Variants in DDX1 observed in about 807,000 individuals in gnomAD.
DDX1 encodes DEAD-box helicase 1, also known as ATP-dependent RNA helicase DDX1.
In DDX1, 28 loss-of-function variants were observed where a neutral mutation model predicts 108.7. The ratio of observed to expected loss-of-function variants is 0.26; its 90% CI spans 0.19 to 0.35. DDX1 has a LOEUF of 0.35. Among genes scored for constraint, DDX1 ranks in the 10% least tolerant of loss-of-function variants. DDX1 has a pLI of 1.00. For synonymous variants in DDX1, 295 were observed against 288.9 expected, an observed-to-expected ratio of 1.02 and a Z score of -0.21; for missense variants, 710 against 884.5, an observed-to-expected ratio of 0.80 and a Z score of 2.50.
Position 15,602,553 on chromosome 2 carries a change from G to C in DDX1, c.313G>C (p.Gly105Arg), listed in dbSNP as rs1352684635. Residue 105 changes from glycine to arginine, a missense_variant, in exon 7 of 26, where the codon GGG becomes CGG. Physicochemically the swap from Gly to Arg is moderately radical, Grantham distance 125. Coordinates refer to ENST00000233084, the MANE Select transcript of DDX1 (RefSeq NM_004939.3). ...TGTTTTCTTCTCAAATCCAGCAATT[G>C]GGTCAGATGGTCTTTGTTGTCAAAG... ...PYDRGSAFAI[G>R]SDGLCCQSRE... 2 of 1,612,680 alleles carry C rather than the reference G, an allele frequency of 1.2e-6. No individual in the cohort carries two copies. Among genetic ancestry groups the C allele is most frequent in the Non-Finnish European group, 1.7e-6 (2 of 1,178,854 alleles).
intron 20 of DDX1, 143 bp from the exon 21 acceptor site, chr2:15,628,302 A>C: frequency 1.7e-6 from 1 of 601,122 alleles, no homozygotes; most frequent in South Asian, 2.3e-5. Flanking sequence ...GACTTGGTCC[A>C]GTAAATTAGG....
At chr2:15,611,701 A>C (rs1297168905) in intron 13 of DDX1, among the ~76,000 whole-genome samples, 10 of 78,518 alleles carry the variant, frequency 1.3e-4, no homozygotes, top group African/African-American at 4.7e-4. Context: ...TGACCCCCCC[A>C]CCTCCCTCCC....
At chr2:15,601,774 G>A (rs960554895) in intron 6 of DDX1, among the ~76,000 whole-genome samples, 2 of 152,200 alleles carry the variant, frequency 1.3e-5, no homozygotes, top group Non-Finnish European at 2.9e-5. Flanking sequence ...GATGTGTGTT[G>A]AGGTGCTTAA....
chr2:15,592,800 G>A (rs1400661747), intron 1 of DDX1, among the ~76,000 whole-genome samples: 3 of 151,730 alleles, frequency 2.0e-5, no homozygotes, highest in African/African-American at 4.8e-5. Flanking sequence ...GTCCTTTAAT[G>A]TTATTAACTT....
chr2:15,618,908 C>T lies in DDX1; in HGVS notation c.1206+638C>T, dbSNP rs1012601583. Among the ~76,000 whole-genome samples, 7 of 152,230 alleles carry T rather than the reference C, an allele frequency of 4.6e-5. No homozygotes were observed. In the East Asian group the frequency reaches 7.7e-4, roughly 17 times the overall value. Reference sequence around the variant, plus strand: ...CCAAGCTTGAGACAGTGCCCAACCTCGGCCTTAACTTTGTTCTGTGATCAG... The same window carrying T: ...CCAAGCTTGAGACAGTGCCCAACCTTGGCCTTAACTTTGTTCTGTGATCAG... On this transcript the variant is annotated intron_variant, in intron 16 of 25. Transcript: ENST00000233084.
At chr2:15,627,910 T>TC (rs892892190) in intron 20 of DDX1, among the ~76,000 whole-genome samples, 4 of 152,064 alleles carry the variant, frequency 2.6e-5, no homozygotes, top group Admixed American at 1.3e-4. Context: ...CCTTCTTCCC[T>TC]CCCCCAGATC....
chr2:15,606,783 G>A (rs576969906), intron 12 of DDX1, among the ~76,000 whole-genome samples: 1 of 152,168 alleles, frequency 6.6e-6, no homozygotes. Flanking sequence ...AGTCATTTTT[G>A]TAGACATATC....
At chr2:15,623,645 A>C in intron 19 of DDX1, 63 bp downstream of exon 19, 29 of 1,374,374 alleles carry the variant, frequency 2.1e-5, no homozygotes, top group Non-Finnish European at 2.8e-5. Flanking sequence ...TATTAATCTC[A>C]TGTTGATGCA....
intron 13 of DDX1, among the ~76,000 whole-genome samples, chr2:15,611,984 C>G (rs1419845433): frequency 7.4e-6 from 1 of 135,930 alleles, no homozygotes. Context: ...CACCTCCCTC[C>G]CGGACAGGGC....
chr2:15,628,596 T>C (rs1666139931), intron 21 of DDX1, 42 bp from the exon 22 acceptor site: 2 of 1,596,402 alleles, frequency 1.3e-6, no homozygotes, highest in African/African-American at 1.3e-5. Flanking sequence ...TTGAAAAATT[T>C]AGAAACTACT....
chr2:15,617,133 G>T, intron 14 of DDX1, 111 bp from the exon 15 acceptor site: 2 of 447,892 alleles, frequency 4.5e-6, no homozygotes, highest in South Asian at 6.0e-5. Flanking sequence ...AGAGTTGACT[G>T]ACTACTTCAA....
intron 15 of DDX1, 59 bp from the exon 16 acceptor site, chr2:15,618,122 A>G: frequency 9.5e-7 from 1 of 1,054,592 alleles, no homozygotes. Context: ...TACTGATTAA[A>G]ACTTACGTTT....
intron 4 of DDX1, 137 bp from the exon 5 acceptor site, chr2:15,597,238 G>A (rs186814379): frequency 4.5e-4 from 284 of 627,220 alleles, no homozygotes; most frequent in Non-Finnish European, 6.0e-4. Flanking sequence ...TTTGGTTTGG[G>A]TAAATGAAAT....
rs1374268271 is a variant in DDX1 at position 15,612,551 on chromosome 2, C to T, written c.957-673C>T. ...GGCAGCCAGGCAGAGGGGCTCCTCA[C>T]GTCCCAGATGATGGGCGGCCAGGCA... On this transcript the variant is annotated intron_variant, in intron 13 of 25. Transcript: ENST00000233084. Among the ~76,000 whole-genome samples, 19 of 151,340 alleles carry T rather than the reference C, an allele frequency of 1.3e-4. No individual in the cohort carries two copies. The South Asian group carries it at 3.6e-3, about 29-fold the overall frequency.
At chr2:15,629,349 T>A (rs1442310394) in intron 23 of DDX1, among the ~76,000 whole-genome samples, 3 of 152,202 alleles carry the variant, frequency 2.0e-5, no homozygotes, top group Non-Finnish European at 4.4e-5. Flanking sequence ...CCTACTTTTA[T>A]CTGAGAATTC....
At chr2:15,608,651 GTTTTTTTTTAGGTTT>G (rs1665705642) in intron 13 of DDX1, among the ~76,000 whole-genome samples, 1 of 125,168 alleles carries the variant, frequency 8.0e-6, no homozygotes, top group Non-Finnish European at 1.7e-5. Flanking sequence ...AAAAGCCTGT[GTTTTTTTTTAGGTTT>G]TTTTTTTTTT....
intron 18 of DDX1, among the ~76,000 whole-genome samples, chr2:15,621,656 T>TG (rs1261725430): frequency 6.6e-6 from 1 of 151,914 alleles, no homozygotes; most frequent in African/African-American, 2.4e-5. Context: ...TCACTTTTTT[T>TG]TTTTTTGTTT....
chr2:15,600,740 C>CTT lies in DDX1; in HGVS notation c.307+1049_307+1050dup, dbSNP rs1157559293. 4.5e-4 allele frequency among the ~76,000 whole-genome samples: 33 copies of CTT among 73,550 alleles called. 1 individual carries two copies. The highest frequency in any genetic ancestry group is 6.9e-4 in the South Asian group (1 of 1,452). The allele number at this position is 73,550 out of a possible 152,430, so 48.3% of individuals were successfully genotyped here. On this transcript the variant is annotated intron_variant, in intron 6 of 25. Transcript: ENST00000233084. The stretch of plus-strand genomic sequence containing the variant: ...ATACTTTTTTTCTTATTTGCATTTT[C>CTT]TTTTTTTTTTTTTTTTTTTTTTTTT...
intron 13 of DDX1, 43 bp from the exon 14 acceptor site, chr2:15,613,181 T>TA: frequency 7.5e-7 from 1 of 1,338,240 alleles, no homozygotes. Flanking sequence ...AAGCAGACTT[T>TA]AATTTTTTTT....
Sources: gnomAD v4.1 joint callset for allele counts (sites outside exome capture counted in the v4.1 genomes callset) on GRCh38, gnomAD v4.1.1 for gene constraint, MANE v1.5 for transcripts, NCBI Gene and HGNC (gene_info 2026-07-23, HGNC 2026-07-21) for gene names.